TMBIM4: variants seen among roughly 807,000 people sequenced by gnomAD.
TMBIM4 encodes transmembrane BAX inhibitor motif containing 4, also known as protein lifeguard 4.
In TMBIM4, 28 loss-of-function variants were observed where a neutral mutation model predicts 27.7. The ratio of observed to expected loss-of-function variants is 1.01; its 90% CI spans 0.75 to 1.38. TMBIM4 has a LOEUF of 1.38. TMBIM4 is among the 40% of genes most tolerant of loss of function. TMBIM4 has a pLI of 0.00. For synonymous variants in TMBIM4, 115 were observed against 113.1 expected (o/e 1.02, Z -0.11); for missense variants, 265 against 277.5 (o/e 0.95, Z 0.32).
intron 3 of TMBIM4, among the ~76,000 whole-genome samples, 189 bp downstream of exon 3, chr12:66,152,082 C>T (rs1416117386): frequency 1.3e-5 from 2 of 152,080 alleles, no homozygotes; most frequent in Admixed American, 6.5e-5. Flanking sequence ...TTTTCCACTA[C>T]ATACTAATAT....
intron 1 of TMBIM4, among the ~76,000 whole-genome samples, chr12:66,160,928 G>T (rs932261727): frequency 6.6e-6 from 1 of 150,740 alleles, no homozygotes; most frequent in Admixed American, 6.6e-5. Flanking sequence ...GGGGTGGGGC[G>T]GGCAGAGGCG....
chr12:66,153,208 TATAAGAGTAAATGA>T, intron 2 of TMBIM4, 118 bp downstream of exon 2: 2 of 606,126 alleles, frequency 3.3e-6, no homozygotes, highest in South Asian at 2.0e-5. Flanking sequence ...TAATCAGGCT[TATAAGAGTAAATGA>T]ACCTTTTTTA....
chr12:66,162,104 A>G (rs1030309053), intron 1 of TMBIM4, among the ~76,000 whole-genome samples: 6 of 151,620 alleles, frequency 4.0e-5, no homozygotes, highest in African/African-American at 1.5e-4. Flanking sequence ...TCTTCTCACT[A>G]TAATGTATGG....
At chr12:66,152,614 T>C (rs1353551178) in intron 2 of TMBIM4, among the ~76,000 whole-genome samples, 1 of 152,056 alleles carries the variant, frequency 6.6e-6, no homozygotes, top group East Asian at 1.9e-4. Flanking sequence ...ACTTTTTCTT[T>C]TTACCATATA....
At chr12:66,153,736 T>C (rs2051889549) in intron 1 of TMBIM4, among the ~76,000 whole-genome samples, 1 of 152,130 alleles carries the variant, frequency 6.6e-6, no homozygotes, top group African/African-American at 2.4e-5. Context: ...AATGCCTAGT[T>C]GTACACAGCA....
intron 1 of TMBIM4, among the ~76,000 whole-genome samples, chr12:66,160,650 CAT>C (rs2052019398): frequency 6.6e-6 from 1 of 152,226 alleles, no homozygotes; most frequent in Admixed American, 6.5e-5. Flanking sequence ...TTCATTCTCA[CAT>C]AATTTTTTTT....
At chr12:66,146,746 A>G (rs2051758313) in intron 4 of TMBIM4, among the ~76,000 whole-genome samples, 3 of 152,114 alleles carry the variant, frequency 2.0e-5, no homozygotes, top group African/African-American at 7.2e-5. Flanking sequence ...TCAGGGGAGT[A>G]ATTATTCATG....
chr12:66,152,494 G>T, intron 2 of TMBIM4, 118 bp from the exon 3 acceptor site: 1 of 579,440 alleles, frequency 1.7e-6, no homozygotes, highest in Non-Finnish European at 2.8e-6. Context: ...GAAAAAATCT[G>T]GAATGATCCA....
intron 3 of TMBIM4, among the ~76,000 whole-genome samples, chr12:66,150,219 C>A (rs1173938412): frequency 1.3e-5 from 2 of 152,038 alleles, no homozygotes; most frequent in East Asian, 3.9e-4. Context: ...TTCTATATGG[C>A]CGTCTTTTTT....
intron 4 of TMBIM4, among the ~76,000 whole-genome samples, chr12:66,146,765 A>T (rs1246054549): frequency 3.3e-5 from 5 of 152,114 alleles, no homozygotes; most frequent in African/African-American, 9.7e-5. Flanking sequence ...TGTTCTTTCT[A>T]TCATTAAATG....
intron 3 of TMBIM4, among the ~76,000 whole-genome samples, chr12:66,151,561 G>A (rs1255052813): frequency 6.6e-6 from 1 of 152,124 alleles, no homozygotes; most frequent in East Asian, 1.9e-4. Flanking sequence ...TATTACTTTG[G>A]AATGTTCTGA....
chr12:66,149,520 GC>G (rs894000939), intron 3 of TMBIM4, among the ~76,000 whole-genome samples: 16 of 150,642 alleles, frequency 1.1e-4, no homozygotes, highest in African/African-American at 3.2e-4. Flanking sequence ...CTATATTCTT[GC>G]TATTTATGAC....
intron 1 of TMBIM4, among the ~76,000 whole-genome samples, chr12:66,160,561 T>C (rs779272211): frequency 2.6e-5 from 4 of 152,228 alleles, no homozygotes; most frequent in Non-Finnish European, 5.9e-5. Context: ...ATATCACATA[T>C]ATATTACAAT....
chr12:66,169,856 C>A lies in TMBIM4; in HGVS notation c.96G>T (p.Met32Ile). The change falls in exon 1 of 7, where the codon ATG becomes ATT. Residue 32 changes from methionine to isoleucine, a missense_variant and splice_region_variant. Transcript: ENST00000358230. ...SVASATVHIR[M>I]AFLRKVYSIL... ...GGCACTGGAGAGGGGACAACGTACC[C>A]ATTCGGATGTGCACGGTGGCGGAGG... 1 of 1,512,702 alleles carries A rather than the reference C, an allele frequency of 6.6e-7. No individual in the cohort carries two copies. The highest frequency in any genetic ancestry group is 1.7e-4 in the Middle Eastern group (1 of 5,868). The allele number at this position is 1,512,702 out of a possible 1,614,324, so 93.7% of individuals were successfully genotyped here.
chr12:66,153,435 T>A lies in TMBIM4; in HGVS notation c.111A>T (p.Lys37Asn). 6.3e-7 allele frequency: 1 copy of A among 1,580,282 alleles called. No homozygotes were observed. The highest frequency in any genetic ancestry group is 1.2e-5 in the South Asian group (1 of 85,000). ...CCTGCAGAGAAAGAATGCTGTAGAC[T>A]TTTCTCAGAAAGGCTAAAAGAGAAA... ...TVHIRMAFLR[K>N]VYSILSLQVL... The change falls in exon 2 of 7, where the codon AAA becomes AAT. Residue 37 changes from lysine to asparagine, a missense_variant. Lys to Asn is a moderately conservative substitution (Grantham distance 94). Coordinates refer to ENST00000358230, the MANE Select transcript of TMBIM4 (RefSeq NM_016056.4).
intron 6 of TMBIM4, 82 bp from the exon 7 acceptor site, chr12:66,138,248 C>A (rs1475717608): frequency 1.3e-6 from 2 of 1,510,760 alleles, no homozygotes; most frequent in Admixed American, 2.3e-5. Flanking sequence ...TAATGATTTA[C>A]TGCTACATTA....
At chr12:66,139,579 CT>C in intron 5 of TMBIM4, 1 of 455,802 alleles carries the variant, frequency 2.2e-6, no homozygotes, top group Non-Finnish European at 4.4e-6. Flanking sequence ...CATACAGTCA[CT>C]TGCGGTCTCC....
At chr12:66,138,812 C>G (rs1218341041) in intron 5 of TMBIM4, 43 bp from the exon 6 acceptor site, 2 of 1,444,306 alleles carry the variant, frequency 1.4e-6, no homozygotes, top group Non-Finnish European at 1.8e-6. Flanking sequence ...TTGTTCCTTA[C>G]AAAAAAACTT....
rs139686693 is a variant in TMBIM4 at position 66,142,695 on chromosome 12, GA to G, written c.464+3145del. Among the ~76,000 whole-genome samples, 10 of 146,704 alleles carry G rather than the reference GA, an allele frequency of 6.8e-5. No homozygotes were observed. In the East Asian group the frequency reaches 1.4e-3, roughly 21 times the overall value. On this transcript the variant is annotated intron_variant, in intron 5 of 6. Transcript: ENST00000358230. The stretch of plus-strand genomic sequence containing the variant: ...TATCTTTCCAGGCTGTTCACTATTG[GA>G]AAAAAAAAACCCTTAAAAAGATTGT...
Sources: allele counts gnomAD v4.1 joint callset (sites outside exome capture counted in the v4.1 genomes callset), GRCh38; gene constraint gnomAD v4.1.1; transcripts MANE v1.5; gene names NCBI Gene and HGNC (gene_info 2026-07-23, HGNC 2026-07-21).